TOX2: variants seen among roughly 807,000 people sequenced by gnomAD.
TOX2 encodes the protein TOX high mobility group box family member 2.
TOX2 carries 15 observed loss-of-function variants against 47.4 expected under a neutral mutation model. The observed-to-expected ratio is 0.32, with a 90% CI of 0.21 to 0.49. TOX2 has a LOEUF of 0.49. Among genes scored for constraint, TOX2 ranks in the 20% least tolerant of loss-of-function variants. The pLI is 0.99. For synonymous variants in TOX2, 290 were observed against 296.6 expected (o/e 0.98, Z 0.23); for missense variants, 622 against 673.1 (o/e 0.92, Z 0.84).
chr20:44,006,445 G>C, intron 2 of TOX2, 102 bp from the exon 3 acceptor site: 2 of 1,507,508 alleles, frequency 1.3e-6, no homozygotes, highest in South Asian at 1.3e-5. Flanking sequence ...CCTTTGCCAA[G>C]GGGTTGCTAT....
At chr20:44,007,366 CT>C (rs1258904709) in intron 3 of TOX2, 2 of 153,312 alleles carry the variant, frequency 1.3e-5, no homozygotes, top group East Asian at 3.9e-4. Flanking sequence ...GCTGCACTAG[CT>C]TTGGCATCAG....
chr20:44,064,263 C>T (rs1161543047), intron 5 of TOX2, among the ~76,000 whole-genome samples: 1 of 152,178 alleles, frequency 6.6e-6, no homozygotes, highest in East Asian at 1.9e-4. Context: ...TCATTTGCAC[C>T]TCCTCGTTTC....
At chr20:43,978,481 CTT>C (rs1229426230) in intron 2 of TOX2, among the ~76,000 whole-genome samples, 1 of 151,872 alleles carries the variant, frequency 6.6e-6, no homozygotes, top group Admixed American at 6.5e-5. Flanking sequence ...CTAGCTATGA[CTT>C]ATTATTTTTT....
intron 1 of TOX2, among the ~76,000 whole-genome samples, chr20:43,961,503 G>C (rs910593687): frequency 8.5e-5 from 13 of 152,142 alleles, no homozygotes; most frequent in African/African-American, 3.1e-4. Context: ...GGTCCCCACT[G>C]ACCCTGCACT....
chr20:44,027,611 C>T (rs1302945834), intron 3 of TOX2, among the ~76,000 whole-genome samples: 3 of 152,226 alleles, frequency 2.0e-5, no homozygotes, highest in Admixed American at 2.0e-4. Context: ...ATTTGGAGAT[C>T]CTTAATTGAG....
intron 1 of TOX2, among the ~76,000 whole-genome samples, chr20:43,922,748 GC>G (rs1450981383): frequency 2.0e-5 from 3 of 152,172 alleles, no homozygotes; most frequent in Non-Finnish European, 2.9e-5. Context: ...TAATTCTGGT[GC>G]CTGCCAGGAT....
At chr20:43,970,964 A>C (rs2069954214) in intron 1 of TOX2, among the ~76,000 whole-genome samples, 1 of 152,224 alleles carries the variant, frequency 6.6e-6, no homozygotes. Flanking sequence ...GGAGTCCTGC[A>C]TTTGGGGTCA....
chr20:43,974,305 A>G (rs1240162807), intron 2 of TOX2, among the ~76,000 whole-genome samples: 1 of 151,656 alleles, frequency 6.6e-6, no homozygotes, highest in East Asian at 2.0e-4. Flanking sequence ...CTGGGGCCCC[A>G]GGGAGGGTCC....
At chr20:44,044,333 A>G (rs949115016) in intron 3 of TOX2, among the ~76,000 whole-genome samples, 2 of 151,946 alleles carry the variant, frequency 1.3e-5, no homozygotes, top group African/African-American at 4.8e-5. Context: ...GTAAATGATG[A>G]GTTAATGGGT....
intron 2 of TOX2, among the ~76,000 whole-genome samples, chr20:43,992,373 A>G (rs2070384051): frequency 2.0e-5 from 3 of 151,778 alleles, no homozygotes. Flanking sequence ...GGATACCCCT[A>G]CCTCCCTTGT....
At position 43,915,401 on chromosome 20, in the gene TOX2, C is replaced by G. The variant is rs1225309019; in HGVS notation, c.99+411C>G. ...CAGCCTCACCGCCACAGACGAGTCA[C>G]CCACAGACGCTCCGATGCCCCACAC... On this transcript the variant is annotated intron_variant, in intron 1 of 8. Coordinates refer to ENST00000341197, the MANE Select transcript of TOX2 (RefSeq NM_001098797.2). The surrounding 1 kb of genome is among the most constrained non-coding windows in gnomAD (Gnocchi z 7.1). Among the ~76,000 whole-genome samples the G allele has an allele frequency of 3.3e-5, 5 of 152,278 alleles. No individual in the cohort carries two copies. The East Asian group carries it at 9.7e-4, about 29-fold the overall frequency.
At chr20:43,962,893 G>A (rs751512558) in intron 1 of TOX2, among the ~76,000 whole-genome samples, 2 of 152,200 alleles carry the variant, frequency 1.3e-5, no homozygotes, top group Non-Finnish European at 2.9e-5. Context: ...GACATTAATT[G>A]TAATACTTTA....
intron 2 of TOX2, among the ~76,000 whole-genome samples, chr20:43,974,925 C>CT (rs1307492535): frequency 6.6e-6 from 1 of 152,218 alleles, no homozygotes; most frequent in Non-Finnish European, 1.5e-5. Context: ...GCAAAGCTGC[C>CT]TTTATATTGC....
intron 1 of TOX2, among the ~76,000 whole-genome samples, chr20:43,941,862 A>T (rs2069406831): frequency 6.6e-6 from 1 of 152,202 alleles, no homozygotes; most frequent in South Asian, 2.1e-4. Context: ...TGGCTGGAAC[A>T]TCTCAGCAAT....
chr20:43,950,171 C>T (rs1412010533), intron 1 of TOX2, among the ~76,000 whole-genome samples: 2 of 152,132 alleles, frequency 1.3e-5, no homozygotes, highest in Admixed American at 6.5e-5. Flanking sequence ...AGAGCAAACT[C>T]AACAATGCAT....
intron 3 of TOX2, among the ~76,000 whole-genome samples, chr20:44,039,880 T>C (rs1357359145): frequency 1.3e-5 from 2 of 152,154 alleles, no homozygotes; most frequent in African/African-American, 4.8e-5. Context: ...CAGAACACCC[T>C]CAGGCAGGGT....
At chr20:44,063,443 A>G (rs1308508201) in intron 5 of TOX2, among the ~76,000 whole-genome samples, 1 of 152,052 alleles carries the variant, frequency 6.6e-6, no homozygotes, top group African/African-American at 2.4e-5. Context: ...AAGAATGTCC[A>G]TAATCAAAAA....
intron 4 of TOX2, among the ~76,000 whole-genome samples, chr20:44,052,775 T>TG (rs1232072153): frequency 6.6e-6 from 1 of 152,160 alleles, no homozygotes; most frequent in Non-Finnish European, 1.5e-5. Flanking sequence ...AGCTAGTAAG[T>TG]GGGGGGAACC....
intron 3 of TOX2, among the ~76,000 whole-genome samples, chr20:44,014,128 C>CAAAAAAAAAAAAAAAA (rs55721806): frequency 1.9e-5 from 1 of 53,570 alleles, no homozygotes; most frequent in Non-Finnish European, 3.2e-5. Context: ...GAGACTATCT[C>CAAAAAAAAAAAAAAAA]AAAAAAAAAA....
Sources: gnomAD v4.1 joint callset for allele counts (sites outside exome capture counted in the v4.1 genomes callset) on GRCh38, gnomAD v4.1.1 for gene constraint, Gnocchi (gnomAD v3.1) non-coding constraint, MANE v1.5 for transcripts, NCBI Gene and HGNC (gene_info 2026-07-23, HGNC 2026-07-21) for gene names.